Variants in TAF7L observed in about 807,000 individuals in gnomAD.
The protein encoded by TAF7L is transcription initiation factor TFIID subunit 7-like.
A neutral mutation model predicts 30.2 loss-of-function variants in TAF7L; 6 were observed. The ratio of observed to expected loss-of-function variants is 0.20; its 90% CI spans 0.11 to 0.39. The LOEUF is 0.39. Among genes scored for constraint, TAF7L ranks in the 10% least tolerant of loss-of-function variants. TAF7L has a pLI of 1.00. For synonymous variants in TAF7L, 93 were observed against 94.5 expected (o/e 0.98, Z 0.09); for missense variants, 284 against 277.1 (o/e 1.03, Z -0.18).
Position 101,269,233 on chromosome X carries a change from A to G in TAF7L, c.1091T>C (p.Ile364Thr). Reference protein sequence around the residue: ...LQEKQKNEKLISLQEQLQRFL... With the variant: ...LQEKQKNEKLTSLQEQLQRFL... ...ACGCTGCAACTGTTCCTGTAGGGAA[A>G]TGAGCTGTAGGGAGAGGTAGAAAGA... The change falls in exon 13 of 13, where the codon ATT becomes ACT. Residue 364 changes from isoleucine to threonine, a missense_variant. Physicochemically the swap from Ile to Thr is moderately conservative, Grantham distance 89. Coordinates refer to ENST00000356784, the MANE Select transcript of TAF7L (RefSeq NM_001168474.2). 1 of 1,207,596 alleles carries G rather than the reference A, an allele frequency of 8.3e-7. No homozygotes were observed. Among genetic ancestry groups the G allele is most frequent in the Non-Finnish European group, 1.1e-6 (1 of 892,603 alleles).
At chrX:101,277,201 G>A (rs769473449) in intron 9 of TAF7L, among the ~76,000 whole-genome samples, 68 of 95,307 alleles carry the variant, frequency 7.1e-4, no homozygotes, top group South Asian at 4.5e-3. Flanking sequence ...GCTCATGCCT[G>A]TAATTCAAGC....
chrX:101,277,472 A>AAAAAAAAAAG, intron 9 of TAF7L, 134 bp downstream of exon 9: 1 of 252,296 alleles, frequency 4.0e-6, no homozygotes, highest in Admixed American at 5.7e-5. Flanking sequence ...AAAAAAAAAG[A>AAAAAAAAAAG]GGGAAGGACG....
chrX:101,268,477 T>C lies in TAF7L; in HGVS notation c.*716A>G, dbSNP rs1219090513. The C allele has an allele frequency of 9.0e-6, 1 of 111,725 alleles. No individual in the cohort carries two copies. The highest frequency in any genetic ancestry group is 1.9e-5 in the Non-Finnish European group (1 of 53,252). The allele number at this position is 111,725 out of a possible 1,213,427, so 9.2% of individuals were successfully genotyped here. On this transcript the variant is annotated 3_prime_UTR_variant, in exon 13 of 13. Transcript: ENST00000356784. ...TCTCTGCTCTAACTGTTCCCTTAGTTGGTGAATAACAACCAGCTCCATCCT... is the reference window on the plus strand; with the variant it reads ...TCTCTGCTCTAACTGTTCCCTTAGTCGGTGAATAACAACCAGCTCCATCCT...
chrX:101,283,373 T>A, intron 4 of TAF7L, 77 bp downstream of exon 4: 1 of 1,065,068 alleles, frequency 9.4e-7, no homozygotes, highest in Non-Finnish European at 1.3e-6. Context: ...TGGAAAGGAG[T>A]ACTGAAAGAA....
At chrX:101,281,632 T>C (rs898877006) in intron 6 of TAF7L, 88 bp downstream of exon 6, 59 of 888,798 alleles carry the variant, frequency 6.6e-5, no homozygotes, top group Admixed American at 1.0e-4. Flanking sequence ...AATTAAAAAT[T>C]AATTCCCAAC....
intron 9 of TAF7L, among the ~76,000 whole-genome samples, chrX:101,276,787 G>A (rs1412779029): frequency 9.1e-6 from 1 of 110,123 alleles, no homozygotes; most frequent in Non-Finnish European, 1.9e-5. Flanking sequence ...GGGGTGGATG[G>A]GAGATTAGAA....
chrX:101,279,390 G>A (rs1304433881), intron 6 of TAF7L, among the ~76,000 whole-genome samples: 1 of 111,778 alleles, frequency 8.9e-6, no homozygotes, highest in Admixed American at 9.6e-5. Context: ...GGGAGGCCAA[G>A]GCGGGCGGAT....
upstream of TAF7L, chrX:101,292,999 G>C: frequency 8.3e-7 from 1 of 1,211,205 alleles, no homozygotes; most frequent in Non-Finnish European, 1.1e-6. Flanking sequence ...TGTTGGTGTT[G>C]AATCATTTTC....
chrX:101,293,001 A>G (rs1924882816), upstream of TAF7L: 1 of 1,211,114 alleles, frequency 8.3e-7, no homozygotes. Flanking sequence ...TTGGTGTTGA[A>G]TCATTTTCTG....
intron 1 of TAF7L, among the ~76,000 whole-genome samples, chrX:101,289,947 G>T (rs113363246): frequency 0.046 from 5,044 of 109,434 alleles, 327 homozygotes; most frequent in African/African-American, 0.16. Context: ...GGGCGCTGTG[G>T]CTCACACCTG....
Position 101,291,326 on chromosome X carries a change from G to A in TAF7L, c.-105C>T. ...CGCGTGGGCTCCCGCGCGGAACGTAGAGGCGAACGCTGGGCTGCCGGCGCC... is the reference window on the plus strand; with the variant it reads ...CGCGTGGGCTCCCGCGCGGAACGTAAAGGCGAACGCTGGGCTGCCGGCGCC... On this transcript the variant is annotated 5_prime_UTR_variant, in exon 1 of 13. Transcript: ENST00000356784. The A allele has an allele frequency of 2.7e-6, 2 of 752,791 alleles. No homozygotes were observed. Among genetic ancestry groups the A allele is most frequent in the South Asian group, 1.3e-4 (2 of 14,876 alleles). The allele number at this position is 752,791 out of a possible 1,213,427, so 62.0% of individuals were successfully genotyped here.
intron 6 of TAF7L, among the ~76,000 whole-genome samples, chrX:101,281,401 A>G (rs1924403810): frequency 8.9e-6 from 1 of 111,942 alleles, no homozygotes; most frequent in Non-Finnish European, 1.9e-5. Flanking sequence ...ACAATTCCCA[A>G]TTTTCAGGTT....
rs1924785743 is a variant in TAF7L, at chrX:101,291,233, C to T, written c.-12G>A. ...CGGCCGCCCGACTCACCCGCTCCTCCGGGAACTGGCGCCGACACCGAAAAG... is the reference window on the plus strand; with the variant it reads ...CGGCCGCCCGACTCACCCGCTCCTCTGGGAACTGGCGCCGACACCGAAAAG... On this transcript the variant is annotated 5_prime_UTR_variant, in exon 1 of 13. Coordinates refer to ENST00000356784, the MANE Select transcript of TAF7L (RefSeq NM_001168474.2). 1.1e-5 allele frequency: 8 copies of T among 751,811 alleles called. No individual in the cohort carries two copies. The highest frequency in any genetic ancestry group is 1.3e-5 in the Non-Finnish European group (8 of 638,025). 62.0% of individuals were successfully genotyped at this position (751,811 alleles called of 1,213,427 possible).
upstream of TAF7L, chrX:101,292,936 C>A (rs192776887): frequency 8.3e-7 from 1 of 1,210,962 alleles, no homozygotes; most frequent in South Asian, 1.8e-5. Context: ...TTCAGACCCA[C>A]GGTCGACAAG....
At chrX:101,270,857 C>T (rs1923943061) in intron 12 of TAF7L, among the ~76,000 whole-genome samples, 1 of 111,329 alleles carries the variant, frequency 9.0e-6, no homozygotes, top group African/African-American at 3.3e-5. Flanking sequence ...TTTGAAGGTT[C>T]ATTATGACCT....
intron 3 of TAF7L, among the ~76,000 whole-genome samples, 186 bp from the exon 4 acceptor site, chrX:101,283,769 CTCT>C (rs1235012519): frequency 8.9e-6 from 1 of 112,115 alleles, no homozygotes; most frequent in Non-Finnish European, 1.9e-5. Flanking sequence ...GTATATGGAG[CTCT>C]TTTTTCCTAG....
chrX:101,275,313 T>C, intron 11 of TAF7L, 32 bp from the exon 12 acceptor site: 1 of 934,530 alleles, frequency 1.1e-6, no homozygotes, highest in Non-Finnish European at 1.4e-6. Flanking sequence ...TGATGAACAC[T>C]GAGTCTCAAA....
At chrX:101,288,734 T>C in intron 1 of TAF7L, among the ~76,000 whole-genome samples, 1 of 110,418 alleles carries the variant, frequency 9.1e-6, no homozygotes, top group East Asian at 2.8e-4. Context: ...ATACCTTTGG[T>C]GAAGTGAATA....
At chrX:101,281,116 C>G (rs1342829697) in intron 6 of TAF7L, among the ~76,000 whole-genome samples, 2 of 111,585 alleles carry the variant, frequency 1.8e-5, no homozygotes, top group Non-Finnish European at 3.8e-5. Flanking sequence ...CACAAAAATA[C>G]ACGAGTACAA....
Sources: gnomAD v4.1 joint callset for allele counts (sites outside exome capture counted in the v4.1 genomes callset) on GRCh38, gnomAD v4.1.1 for gene constraint, MANE v1.5 for transcripts, NCBI Gene and HGNC (gene_info 2026-07-23, HGNC 2026-07-21) for gene names.